NRG3: variants seen among roughly 807,000 people sequenced by gnomAD.
The protein encoded by NRG3 is pro-neuregulin-3, membrane-bound isoform.
In NRG3, 31 loss-of-function variants were observed where a neutral mutation model predicts 66.9. The observed-to-expected ratio is 0.46, with a 90% CI of 0.35 to 0.63. The LOEUF (loss-of-function observed/expected upper bound fraction) is 0.63. Among genes scored for constraint, NRG3 ranks in the 20% least tolerant of loss-of-function variants. NRG3 has a pLI of 0.00. For synonymous variants in NRG3, 393 were observed against 359.4 expected (o/e 1.09, Z -1.06); for missense variants, 910 against 878.9 (o/e 1.04, Z -0.45).
intron 1 of NRG3, among the ~76,000 whole-genome samples, chr10:81,951,634 C>G (rs1342661650): frequency 6.6e-6 from 1 of 152,220 alleles, no homozygotes; most frequent in Non-Finnish European, 1.5e-5. Context: ...TGAAATGGCT[C>G]TGTTGTATTC....
At chr10:82,106,546 C>G (rs1346840082) in intron 1 of NRG3, among the ~76,000 whole-genome samples, 1 of 150,824 alleles carries the variant, frequency 6.6e-6, no homozygotes, top group Non-Finnish European at 1.5e-5. Flanking sequence ...CATTCTGTCA[C>G]CTAGGCTGGA....
intron 1 of NRG3, among the ~76,000 whole-genome samples, chr10:81,894,048 A>T (rs1843278919): frequency 6.6e-6 from 1 of 152,168 alleles, no homozygotes; most frequent in South Asian, 2.1e-4. Context: ...ATGCATGGAA[A>T]TTTATTTTCT....
At chr10:82,950,256 A>T (rs149674524) in intron 4 of NRG3, among the ~76,000 whole-genome samples, 1 of 152,192 alleles carries the variant, frequency 6.6e-6, no homozygotes, top group Non-Finnish European at 1.5e-5. Flanking sequence ...TTTAGAATAT[A>T]TATGTGTTAA....
chr10:82,281,976 C>T (rs1205257458), intron 1 of NRG3, among the ~76,000 whole-genome samples: 1 of 152,094 alleles, frequency 6.6e-6, no homozygotes, highest in Non-Finnish European at 1.5e-5. Flanking sequence ...GCAAGGTGGA[C>T]ATCCTTTGTT....
At chr10:82,428,858 A>G (rs1025654895) in intron 2 of NRG3, among the ~76,000 whole-genome samples, 1 of 151,970 alleles carries the variant, frequency 6.6e-6, no homozygotes. Flanking sequence ...CTTCAATTCT[A>G]TCATTTTCCC....
At chr10:82,537,398 C>T (rs1048952336) in intron 2 of NRG3, among the ~76,000 whole-genome samples, 2 of 152,064 alleles carry the variant, frequency 1.3e-5, no homozygotes, top group Non-Finnish European at 2.9e-5. Context: ...GCTTGCAGGA[C>T]AATGGTGACT....
chr10:81,903,372 A>G (rs1220534451), intron 1 of NRG3, among the ~76,000 whole-genome samples: 1 of 152,164 alleles, frequency 6.6e-6, no homozygotes, highest in Non-Finnish European at 1.5e-5. Flanking sequence ...GGCACAAGTC[A>G]TGTATGAGGT....
intron 6 of NRG3, among the ~76,000 whole-genome samples, chr10:82,964,173 G>C (rs1297190329): frequency 6.6e-6 from 1 of 152,178 alleles, no homozygotes; most frequent in Non-Finnish European, 1.5e-5. Flanking sequence ...ACAGGCATGT[G>C]ATGATGACAA....
chr10:82,167,914 AG>A, intron 1 of NRG3, among the ~76,000 whole-genome samples: 1 of 151,786 alleles, frequency 6.6e-6, no homozygotes, highest in Non-Finnish European at 1.5e-5. Context: ...ATTTTTTTGA[AG>A]GGGGAAAGCG....
At chr10:82,433,714 C>G (rs2089962911) in intron 2 of NRG3, among the ~76,000 whole-genome samples, 2 of 152,118 alleles carry the variant, frequency 1.3e-5, no homozygotes, top group Non-Finnish European at 2.9e-5. Context: ...AGATCCTTTC[C>G]CCATTGCTGG....
At chr10:82,984,190 A>T (rs1429829392) in intron 8 of NRG3, among the ~76,000 whole-genome samples, 1 of 152,206 alleles carries the variant, frequency 6.6e-6, no homozygotes, top group Non-Finnish European at 1.5e-5. Flanking sequence ...CATTTCTATA[A>T]ATCTGCTGCG....
intron 2 of NRG3, among the ~76,000 whole-genome samples, chr10:82,562,373 A>T (rs1326706489): frequency 1.3e-5 from 2 of 152,084 alleles, no homozygotes; most frequent in Non-Finnish European, 2.9e-5. Flanking sequence ...ACCAATACAG[A>T]CTGTTCAACT....
chr10:82,631,095 A>G (rs1249360217), intron 2 of NRG3, among the ~76,000 whole-genome samples: 3 of 152,140 alleles, frequency 2.0e-5, no homozygotes, highest in Non-Finnish European at 2.9e-5. Context: ...CCTTCTTTTC[A>G]GGATGAGGTC....
intron 1 of NRG3, among the ~76,000 whole-genome samples, chr10:81,994,675 C>G (rs2060868762): frequency 6.6e-6 from 1 of 151,842 alleles, no homozygotes; most frequent in Admixed American, 6.6e-5. Context: ...ATTCTTGGTT[C>G]GTAGTTTTCT....
chr10:82,210,675 A>T (rs1233401907), intron 1 of NRG3, among the ~76,000 whole-genome samples: 1 of 152,148 alleles, frequency 6.6e-6, no homozygotes, highest in Non-Finnish European at 1.5e-5. Context: ...AGGAAGCTAA[A>T]TGGAGGGGAG....
chr10:82,107,807 A>G (rs144343756), intron 1 of NRG3, among the ~76,000 whole-genome samples: 1 of 152,208 alleles, frequency 6.6e-6, no homozygotes, highest in Non-Finnish European at 1.5e-5. Context: ...TCAAAAAAAG[A>G]AAAATGTATG....
chr10:82,667,264 C>T (rs961733347), intron 2 of NRG3, among the ~76,000 whole-genome samples: 6 of 152,156 alleles, frequency 3.9e-5, no homozygotes, highest in African/African-American at 1.4e-4. Context: ...TGTCGGTTTA[C>T]TGAAACAGGC....
intron 2 of NRG3, among the ~76,000 whole-genome samples, chr10:82,535,177 A>G (rs1399682535): frequency 1.4e-5 from 2 of 146,534 alleles, no homozygotes; most frequent in Non-Finnish European, 3.0e-5. Context: ...CCCACACCTC[A>G]TGGAAAACTT....
chr10:82,472,450 G>A (rs967154505), intron 2 of NRG3, among the ~76,000 whole-genome samples: 8 of 152,212 alleles, frequency 5.3e-5, no homozygotes, highest in Admixed American at 1.3e-4. Flanking sequence ...GAGAATTTGT[G>A]CTGATTTCCA....
Sources: gnomAD v4.1 joint callset for allele counts (sites outside exome capture counted in the v4.1 genomes callset) on GRCh38, gnomAD v4.1.1 for gene constraint, MANE v1.5 for transcripts, NCBI Gene and HGNC (gene_info 2026-07-23, HGNC 2026-07-21) for gene names.